Variants in TESK2 observed in about 807,000 individuals in gnomAD.
TESK2 encodes the protein dual specificity testis-specific protein kinase 2.
TESK2 carries 39 observed loss-of-function variants against 57.1 expected under a neutral mutation model. The ratio of observed to expected loss-of-function variants is 0.68; its 90% CI spans 0.53 to 0.89. The LOEUF (loss-of-function observed/expected upper bound fraction) is 0.89, where lower values mean the gene tolerates loss of function less well. Ranked by LOEUF, TESK2 falls within the 40% of genes least tolerant of loss-of-function variation. The pLI is 0.00. For synonymous variants in TESK2, 249 were observed against 267.9 expected, an observed-to-expected ratio of 0.93 and a Z score of 0.69; for missense variants, 646 against 732.1, an observed-to-expected ratio of 0.88 and a Z score of 1.36.
chr1:45,479,997 A>AT (rs1330093125), intron 1 of TESK2, among the ~76,000 whole-genome samples: 3 of 151,006 alleles, frequency 2.0e-5, no homozygotes, highest in Non-Finnish European at 4.4e-5. Flanking sequence ...TAATTTTTGT[A>AT]TTTTTAGTAG....
chr1:45,409,273 C>T (rs1275642022), intron 3 of TESK2, among the ~76,000 whole-genome samples: 1 of 151,964 alleles, frequency 6.6e-6, no homozygotes, highest in Non-Finnish European at 1.5e-5. Flanking sequence ...TTAGACTAGT[C>T]AAAAAGATTT....
intron 5 of TESK2, 143 bp from the exon 6 acceptor site, chr1:45,348,143 G>A (rs1035595214): frequency 3.2e-5 from 21 of 662,300 alleles, no homozygotes; most frequent in African/African-American, 3.2e-4. Context: ...GACCCCACTG[G>A]TCAGGTCAGG....
intron 3 of TESK2, among the ~76,000 whole-genome samples, chr1:45,416,532 A>G (rs1179139283): frequency 3.3e-5 from 5 of 152,120 alleles, no homozygotes; most frequent in Non-Finnish European, 5.9e-5. Context: ...GCTAATTAAC[A>G]TATCTACTAC....
At chr1:45,414,544 T>C (rs1650161808) in intron 3 of TESK2, among the ~76,000 whole-genome samples, 1 of 152,114 alleles carries the variant, frequency 6.6e-6, no homozygotes, top group Non-Finnish European at 1.5e-5. Flanking sequence ...GAGGTGGGGA[T>C]CATTCCTAAG....
intron 2 of TESK2, among the ~76,000 whole-genome samples, chr1:45,452,638 G>A (rs1047083541): frequency 3.9e-5 from 6 of 152,060 alleles, no homozygotes; most frequent in African/African-American, 1.4e-4. Flanking sequence ...CCTGGGCACG[G>A]TGGCTAACGC....
chr1:45,401,811 C>T (rs1649602763), intron 3 of TESK2, among the ~76,000 whole-genome samples: 1 of 152,086 alleles, frequency 6.6e-6, no homozygotes, highest in African/African-American at 2.4e-5. Flanking sequence ...TAAAAAAGAA[C>T]TGCCCTTCTA....
intron 2 of TESK2, among the ~76,000 whole-genome samples, chr1:45,422,778 T>TTGTTGTTGTTGTTGTTGTTGTTGTTG: frequency 6.6e-6 from 1 of 151,270 alleles, no homozygotes; most frequent in Non-Finnish European, 1.5e-5. Flanking sequence ...GTTGTTGTTG[T>TTGTTGTTGTTGTTGTTGTTGTTGTTG]TTTTGTTTTG....
At chr1:45,441,798 G>A (rs915962471) in intron 2 of TESK2, among the ~76,000 whole-genome samples, 7 of 151,798 alleles carry the variant, frequency 4.6e-5, no homozygotes, top group Non-Finnish European at 1.5e-5. Flanking sequence ...TGTATTTTTA[G>A]TAGAGACGGG....
At chr1:45,449,675 T>A (rs1418518358) in intron 2 of TESK2, among the ~76,000 whole-genome samples, 3 of 152,158 alleles carry the variant, frequency 2.0e-5, no homozygotes. Flanking sequence ...ATTTTACAAG[T>A]TTTGATGCAC....
At chr1:45,441,877 A>G (rs1651459095) in intron 2 of TESK2, among the ~76,000 whole-genome samples, 1 of 152,178 alleles carries the variant, frequency 6.6e-6, no homozygotes, top group African/African-American at 2.4e-5. Flanking sequence ...CTGGCCTCCC[A>G]AAGTGCTGTG....
chr1:45,416,961 T>C (rs1207873684), intron 3 of TESK2, among the ~76,000 whole-genome samples: 1 of 151,732 alleles, frequency 6.6e-6, no homozygotes, highest in Non-Finnish European at 1.5e-5. Flanking sequence ...TGATTTTTTG[T>C]ATTTTTAGTA....
intron 2 of TESK2, among the ~76,000 whole-genome samples, chr1:45,425,199 T>G (rs539746658): frequency 1.3e-5 from 2 of 152,252 alleles, no homozygotes; most frequent in Admixed American, 6.5e-5. Context: ...AACTGATAAA[T>G]TCAGAAAAGT....
Position 45,433,005 on chromosome 1 carries a change from C to T in TESK2, c.223-11159G>A, listed in dbSNP as rs183667643. Among the ~76,000 whole-genome samples, 84 of 148,398 alleles carry T rather than the reference C, an allele frequency of 5.7e-4. No homozygotes were observed. In the East Asian group the frequency reaches 0.014, roughly 24 times the overall value. ...TCTCAAACTCCTGAGCTTGGGCAAT[C>T]TGCCCACCTTGGCCTCCCAAAGTGC... On this transcript the variant is annotated intron_variant, in intron 2 of 10. Coordinates refer to ENST00000372086, the MANE Select transcript of TESK2 (RefSeq NM_007170.3).
intron 3 of TESK2, chr1:45,399,123 C>T: frequency 1.6e-5 from 3 of 188,914 alleles, no homozygotes; most frequent in South Asian, 1.4e-4. Flanking sequence ...ATTCATTGAA[C>T]TTAAATAAAA....
At chr1:45,356,430 G>A (rs938548477) in intron 4 of TESK2, among the ~76,000 whole-genome samples, 5 of 151,810 alleles carry the variant, frequency 3.3e-5, no homozygotes, top group Admixed American at 2.0e-4. Flanking sequence ...AGTTCAGACC[G>A]GCCTGAACAG....
intron 2 of TESK2, among the ~76,000 whole-genome samples, chr1:45,423,444 C>T (rs1036228069): frequency 6.6e-6 from 1 of 151,910 alleles, no homozygotes; most frequent in Admixed American, 6.6e-5. Flanking sequence ...GTAGTCCCAG[C>T]TACTCGGGAG....
intron 4 of TESK2, among the ~76,000 whole-genome samples, chr1:45,384,579 C>T (rs1363938487): frequency 6.9e-6 from 1 of 145,304 alleles, no homozygotes; most frequent in Non-Finnish European, 1.5e-5. Context: ...GCCATCACAT[C>T]CAGCTAATTA....
At chr1:45,377,662 GC>G (rs1442892960) in intron 4 of TESK2, among the ~76,000 whole-genome samples, 1 of 148,564 alleles carries the variant, frequency 6.7e-6, no homozygotes, top group Non-Finnish European at 1.5e-5. Context: ...CAGGTAATCT[GC>G]CCACCTTGGC....
chr1:45,407,805 G>T (rs1266044912), intron 3 of TESK2, among the ~76,000 whole-genome samples: 1 of 152,170 alleles, frequency 6.6e-6, no homozygotes, highest in South Asian at 2.1e-4. Context: ...CCCAGTCTTG[G>T]GTGTGTCTTT....
Sources: gnomAD v4.1 joint callset for allele counts (sites outside exome capture counted in the v4.1 genomes callset) on GRCh38, gnomAD v4.1.1 for gene constraint, MANE v1.5 for transcripts, NCBI Gene and HGNC (gene_info 2026-07-23, HGNC 2026-07-21) for gene names.